Variants in CABLES2 observed in about 807,000 individuals in gnomAD.
CABLES2 encodes Cdk5 and Abl enzyme substrate 2.
In CABLES2, 35 loss-of-function variants were observed where a neutral mutation model predicts 44.8. The ratio of observed to expected loss-of-function variants is 0.78; its 90% CI spans 0.60 to 1.04. CABLES2 has a LOEUF of 1.04. Among genes scored for constraint, CABLES2 ranks in the 50% least tolerant of loss-of-function variants. CABLES2 has a pLI of 0.00. For missense variants in CABLES2, 566 were observed against 615.7 expected (o/e 0.92, Z 0.85); for synonymous variants, 282 against 281.1 (o/e 1.00, Z -0.03).
At chr20:62,406,811 A>C (rs369612116) in intron 1 of CABLES2, 104 bp downstream of exon 1, 168 of 605,650 alleles carry the variant, frequency 2.8e-4, no homozygotes, top group Non-Finnish European at 3.4e-4. Flanking sequence ...TCCTGGGCTG[A>C]TGAGGCCCCA....
At chr20:62,406,427 T>TA (rs11440841) in intron 1 of CABLES2, among the ~76,000 whole-genome samples, 27,446 of 151,498 alleles carry the variant, frequency 0.18, 2,671 homozygotes, top group Middle Eastern at 0.26. Flanking sequence ...GTCTCAGGGG[T>TA]AATAAGGGCT....
At position 62,396,230 on chromosome 20, in the gene CABLES2, G is replaced by T; in HGVS notation, c.527+85C>A. On this transcript the variant is annotated intron_variant, in intron 3 of 9. Transcript: ENST00000279101. The surrounding 1 kb of genome is among the most constrained non-coding windows in gnomAD (Gnocchi z 5.7). ...GTGGGCGGGAGCTTTGGGAGTGGAGGGAAGATTGCTTGGCTGACAGGGGCA... is the reference window on the plus strand; with the variant it reads ...GTGGGCGGGAGCTTTGGGAGTGGAGTGAAGATTGCTTGGCTGACAGGGGCA... 8.6e-7 allele frequency: 1 copy of T among 1,159,510 alleles called. No homozygotes were observed. The highest frequency in any genetic ancestry group is 1.3e-6 in the Non-Finnish European group (1 of 772,084). 71.8% of individuals were successfully genotyped at this position (1,159,510 alleles called of 1,614,324 possible).
intron 1 of CABLES2, among the ~76,000 whole-genome samples, chr20:62,398,261 ATGGTGATGGCGGTGGTGGTGGTGG>A (rs1988116734): frequency 1.6e-5 from 1 of 63,188 alleles, no homozygotes; most frequent in African/African-American, 7.2e-5. Flanking sequence ...GGTGGTGGTG[ATGGTGATGGCGGTGGTGGTGGTGG>A]TGATGGTGGC....
In CABLES2 at chr20:62,396,377, A is replaced by G. The variant is rs1988020100; in HGVS notation, c.465T>C (p.His155=). 1 of 1,613,284 alleles carries G rather than the reference A, an allele frequency of 6.2e-7. No homozygotes were observed. The highest frequency in any genetic ancestry group is 1.3e-5 in the African/African-American group (1 of 74,618). ...TGAAGTGGGTCTTCTTCAGGCCTTT[A>G]TGTCTCGGTGATCCAGATGTGTGTT... is the stretch of plus-strand genomic sequence containing the variant. ...RTKHTSGSPR[H]KGLKKTHFIK... Residue 155 remains histidine, a synonymous_variant, in exon 3 of 10, where the codon CAT becomes CAC. Transcript: ENST00000279101. This position sits in a 1 kb window ranked among gnomAD's most constrained non-coding sequence, Gnocchi z 5.7.
intron 1 of CABLES2, chr20:62,402,922 G>A (rs1988215827): frequency 6.6e-6 from 1 of 152,256 alleles, no homozygotes; most frequent in Admixed American, 6.5e-5. Context: ...TGTAAACAAG[G>A]TGCCAGATGC....
chr20:62,395,087 A>G (rs1987993785), intron 3 of CABLES2, 73 bp from the exon 4 acceptor site: 1 of 1,160,496 alleles, frequency 8.6e-7, no homozygotes. Context: ...CCAGAGCTAC[A>G]GACATTTCCA....
chr20:62,406,707 C>G, intron 1 of CABLES2, among the ~76,000 whole-genome samples: 1 of 63,958 alleles, frequency 1.6e-5, no homozygotes, highest in Non-Finnish European at 3.1e-5. Flanking sequence ...ACCTGAACCT[C>G]TGTCCAGGGC....
In CABLES2 at chr20:62,406,928, C is replaced by A; in HGVS notation, c.349G>T (p.Gly117Trp). ...TQVPTGLGLD[G>W]QRQRKRVTSQ... ...GCCCCCACTCACCTCTGGCGCTGCC[C>A]ATCCAGGCCGAGGCCGGTGGGCACC... is the stretch of plus-strand genomic sequence containing the variant. The change falls in exon 1 of 10, where the codon GGG (glycine) becomes TGG (tryptophan). Residue 117 changes from glycine to tryptophan, a missense_variant. This residue lies in a region of CABLES2 where 436 missense variants were observed against 536.3 expected (regional missense o/e 0.81). Coordinates refer to ENST00000279101, the MANE Select transcript of CABLES2 (RefSeq NM_031215.3). The A allele has an allele frequency of 8.2e-7, 1 of 1,218,722 alleles. No homozygotes were observed. Among genetic ancestry groups the A allele is most frequent in the East Asian group, 3.3e-5 (1 of 30,670 alleles). The allele number at this position is 1,218,722 out of a possible 1,614,324, so 75.5% of individuals were successfully genotyped here.
intron 7 of CABLES2, 33 bp from the exon 8 acceptor site, chr20:62,392,528 C>T (rs762674110): frequency 1.4e-5 from 21 of 1,507,340 alleles, no homozygotes; most frequent in African/African-American, 2.7e-5. Flanking sequence ...TTGGGCCGGC[C>T]CCTCGCACAG....
intron 1 of CABLES2, among the ~76,000 whole-genome samples, chr20:62,398,150 G>A (rs1275151246): frequency 5.5e-5 from 8 of 146,100 alleles, no homozygotes; most frequent in Admixed American, 2.0e-4. Flanking sequence ...TGGTGGTGGT[G>A]GTGGTGACGG....
chr20:62,392,859 C>T (rs1416645783), intron 7 of CABLES2, 61 bp downstream of exon 7: 27 of 1,469,074 alleles, frequency 1.8e-5, no homozygotes, highest in East Asian at 4.5e-5. Context: ...CTGCCCCACA[C>T]GCCCCGAGCC....
chr20:62,392,800 G>T, intron 7 of CABLES2, 120 bp downstream of exon 7: 1 of 875,622 alleles, frequency 1.1e-6, no homozygotes, highest in Non-Finnish European at 1.8e-6. Flanking sequence ...GTGCTGCTGC[G>T]ATCCGGGATG....
chr20:62,393,398 G>A (rs760400851), intron 6 of CABLES2, 42 bp downstream of exon 6: 39 of 1,546,714 alleles, frequency 2.5e-5, no homozygotes, highest in Middle Eastern at 3.9e-4. Context: ...TAAGGCACGC[G>A]GGTCACCCTG....
At chr20:62,398,162 GAT>G (rs1988101216) in intron 1 of CABLES2, among the ~76,000 whole-genome samples, 2 of 124,158 alleles carry the variant, frequency 1.6e-5, no homozygotes, top group Non-Finnish European at 3.3e-5. Context: ...TGGTGACGGT[GAT>G]GGTGGTAATG....
intron 1 of CABLES2, 85 bp downstream of exon 1, chr20:62,406,830 T>C (rs1344648214): frequency 1.7e-5 from 13 of 778,660 alleles, no homozygotes; most frequent in Non-Finnish European, 1.8e-5. Context: ...CAAGTAATCC[T>C]GACCCCTAGT....
chr20:62,406,702 AACCTC>A, intron 1 of CABLES2, among the ~76,000 whole-genome samples: 1 of 144,442 alleles, frequency 6.9e-6, no homozygotes, highest in African/African-American at 2.8e-5. Flanking sequence ...AGGTCACCTG[AACCTC>A]TGTCCAGGGC....
At chr20:62,393,675 C>T (rs1987962175) in intron 5 of CABLES2, 70 bp from the exon 6 acceptor site, 3 of 1,478,514 alleles carry the variant, frequency 2.0e-6, no homozygotes, top group Non-Finnish European at 2.7e-6. Flanking sequence ...GCTCCCGCTG[C>T]AGGAAGCCCA....
chr20:62,394,640 C>T (rs760382888), intron 4 of CABLES2, among the ~76,000 whole-genome samples: 2 of 152,178 alleles, frequency 1.3e-5, no homozygotes, highest in African/African-American at 4.8e-5. Flanking sequence ...CGCACGGATA[C>T]GACTGCCTGG....
chr20:62,398,004 A>ACGGTAGTGGTGGTGATGGTGGTGACAG (rs1555890716), intron 1 of CABLES2, among the ~76,000 whole-genome samples: 5 of 62,214 alleles, frequency 8.0e-5, no homozygotes, highest in Admixed American at 1.6e-4. Context: ...GATGATGGTG[A>ACGGTAGTGGTGGTGATGGTGGTGACAG]TGGTTATGGC....
Sources: allele counts gnomAD v4.1 joint callset (sites outside exome capture counted in the v4.1 genomes callset), GRCh38; gene constraint gnomAD v4.1.1; regional missense constraint gnomAD v4.1.1; non-coding constraint Gnocchi (gnomAD v3.1); transcripts MANE v1.5; gene names NCBI Gene and HGNC (gene_info 2026-07-23, HGNC 2026-07-21).